TDRKH: variants seen among roughly 807,000 people sequenced by gnomAD.
TDRKH encodes tudor and KH domain-containing protein.
A neutral mutation model predicts 61.3 loss-of-function variants in TDRKH; 28 were observed. That is an observed-to-expected ratio of 0.46 (90% CI 0.34 to 0.63). The LOEUF is 0.63. Ranked by LOEUF, TDRKH falls within the 20% of genes least tolerant of loss-of-function variation. The pLI is 0.01. For synonymous variants in TDRKH, 219 were observed against 244.4 expected (o/e 0.90, Z 0.97); for missense variants, 540 against 683.4 (o/e 0.79, Z 2.34).
Position 151,774,461 on chromosome 1 carries a change from G to A in TDRKH, c.1677C>T (p.Tyr559=), listed in dbSNP as rs1413267086. 2.5e-6 allele frequency: 4 copies of A among 1,614,048 alleles called. No individual in the cohort carries two copies. Among genetic ancestry groups the A allele is most frequent in the African/African-American group, 1.3e-5 (1 of 74,922 alleles). The change falls in exon 13 of 13, where the codon TAC becomes TAT. Residue 559 remains tyrosine, a synonymous_variant. Transcript: ENST00000368824. ...AACTGAAGCCCAGACTTCAGAGTAA[G>A]TAGTCATCTTCAAGGTTATCATCAC... ...MSGDDNLEDD[Y]LL
intron 4 of TDRKH, 63 bp downstream of exon 4, chr1:151,779,888 G>C: frequency 6.7e-7 from 1 of 1,498,816 alleles, no homozygotes; most frequent in Non-Finnish European, 9.0e-7. Flanking sequence ...ACCCTGGGAA[G>C]GTGTGAAAGA....
At chr1:151,777,377 C>T (rs993247097) in intron 6 of TDRKH, among the ~76,000 whole-genome samples, 6 of 151,912 alleles carry the variant, frequency 3.9e-5, no homozygotes, top group Admixed American at 6.6e-5. Flanking sequence ...ACCTGGGAGG[C>T]GGAGGTTGCA....
intron 1 of TDRKH, among the ~76,000 whole-genome samples, chr1:151,789,905 G>A (rs1471570473): frequency 6.6e-6 from 1 of 152,068 alleles, no homozygotes; most frequent in Non-Finnish European, 1.5e-5. Flanking sequence ...TTGAAATAGG[G>A]GTCTCCAGCC....
chr1:151,774,623 G>A, intron 12 of TDRKH, 87 bp downstream of exon 12: 1 of 1,581,770 alleles, frequency 6.3e-7, no homozygotes, highest in South Asian at 1.1e-5. Context: ...TAGGAACCAA[G>A]CCTTCAATTA....
chr1:151,782,699 G>C, intron 2 of TDRKH, 200 bp downstream of exon 2: 1 of 388,362 alleles, frequency 2.6e-6, no homozygotes, highest in Non-Finnish European at 4.2e-6. Flanking sequence ...GAGCCCAGGA[G>C]GTCGACACTA....
At chr1:151,782,119 TATAAA>T (rs1329000236) in intron 2 of TDRKH, 2 of 394,978 alleles carry the variant, frequency 5.1e-6, no homozygotes, top group Non-Finnish European at 4.9e-6. Context: ...TCAATGGAGT[TATAAA>T]ATGAGTTCAT....
At chr1:151,766,744 C>T (rs760837467), downstream of TDRKH, 30 of 1,554,906 alleles carry the variant, frequency 1.9e-5, no homozygotes, top group Non-Finnish European at 2.6e-5. Context: ...AGGTGTCGCC[C>T]CTCTGTCTAC....
Position 151,786,186 on chromosome 1 carries a change from C to T in TDRKH, c.-27-3137G>A, listed in dbSNP as rs534341461. 2.0e-3 allele frequency among the ~76,000 whole-genome samples: 308 copies of T among 152,176 alleles called. 1 individual carries two copies. The highest frequency in any genetic ancestry group is 3.7e-3 in the Non-Finnish European group (251 of 68,000). The stretch of plus-strand genomic sequence containing the variant: ...AGAGAGAAAGGAGAACATCTAGCAC[C>T]GAAATCTCACTGAGGAGCAGATATA... On this transcript the variant is annotated intron_variant, in intron 1 of 12. Coordinates refer to ENST00000368824, the MANE Select transcript of TDRKH (RefSeq NM_001083965.2).
Position 151,780,057 on chromosome 1 carries a change from A to G in TDRKH, c.315T>C (p.Pro105=), listed in dbSNP as rs1649600905. 2 of 1,614,100 alleles carry G rather than the reference A, an allele frequency of 1.2e-6. No individual in the cohort carries two copies. The highest frequency in any genetic ancestry group is 1.7e-5 in the Admixed American group (1 of 60,006). The part of the protein sequence containing the change: ...DERVLLISGF[P]VQVCKAKAAI... The stretch of plus-strand genomic sequence containing the variant: ...CTGCTTTGGCCTTGCACACCTGAAC[A>G]GGAAAACCACTGATAAGCAGCACTC... The change falls in exon 4 of 13, where the codon CCT becomes CCC. Residue 105 remains proline, a synonymous_variant. Transcript: ENST00000368824.
Position 151,778,885 on chromosome 1 carries a change from G to C in TDRKH, c.683C>G (p.Pro228Arg). 4.3e-6 allele frequency: 7 copies of C among 1,614,180 alleles called. No individual in the cohort carries two copies. The highest frequency in any genetic ancestry group is 5.9e-6 in the Non-Finnish European group (7 of 1,180,036). ...ISVRREDMTE[P>R]GGAGEPALWK... Reference sequence around the variant, plus strand: ...TAATGCTGGCTCTCCAGCTCCACCTGGCTCTGTCATGTCTTCTCTTCTCAC... The same window carrying C: ...TAATGCTGGCTCTCCAGCTCCACCTCGCTCTGTCATGTCTTCTCTTCTCAC... The change falls in exon 6 of 13, where the codon CCA (proline) becomes CGA (arginine). Residue 228 changes from proline to arginine, a missense_variant. Around this residue, in one of 3 missense-constraint regions of TDRKH, gnomAD observed 379 missense variants for 443.8 expected, o/e 0.85. Transcript: ENST00000368824.
chr1:151,771,454 A>C, downstream of TDRKH: 1 of 1,048,122 alleles, frequency 9.5e-7, no homozygotes, highest in African/African-American at 1.7e-5. Flanking sequence ...AAAGTACCTA[A>C]GGATTTTTGG....
chr1:151,775,829 C>T lies in TDRKH; in HGVS notation c.1273G>A (p.Ala425Thr). The T allele has an allele frequency of 6.2e-7, 1 of 1,613,296 alleles. No homozygotes were observed. Among genetic ancestry groups the T allele is most frequent in the Non-Finnish European group, 8.5e-7 (1 of 1,179,344 alleles). ...QAIECSLARIAPSGDQWEEEA... is the reference protein window; with the variant it reads ...QAIECSLARITPSGDQWEEEA... ...GGCATGACCAATTTACCTGAGGGAGCAATCCGTGCCAGACTACATTCTATT... is the reference window on the plus strand; with the variant it reads ...GGCATGACCAATTTACCTGAGGGAGTAATCCGTGCCAGACTACATTCTATT... Residue 425 changes from alanine (A) to threonine (T), a missense_variant, in exon 9 of 13, where the codon GCT becomes ACT. Coordinates refer to ENST00000368824, the MANE Select transcript of TDRKH (RefSeq NM_001083965.2).
At chr1:151,770,360 C>G, downstream of TDRKH, 1 of 1,437,944 alleles carries the variant, frequency 7.0e-7, no homozygotes, top group Non-Finnish European at 9.3e-7. Context: ...AATGCACCCT[C>G]AGGCATTTCA....
At chr1:151,784,179 C>A (rs574710882) in intron 1 of TDRKH, among the ~76,000 whole-genome samples, 45 of 152,202 alleles carry the variant, frequency 3.0e-4, no homozygotes, top group Non-Finnish European at 3.8e-4. Flanking sequence ...GCTGTTCTCT[C>A]CTGTGACCAC....
At position 151,778,554 on chromosome 1, in the gene TDRKH, A is replaced by C. The variant is rs1351108946; in HGVS notation, c.883+131T>G. On this transcript the variant is annotated intron_variant, in intron 6 of 12. Coordinates refer to ENST00000368824, the MANE Select transcript of TDRKH (RefSeq NM_001083965.2). ...ATCCCATCTTCAAAATATCTTACCG[A>C]ATCTTCTGTCCTGACCCCAGCCATA... is the stretch of plus-strand genomic sequence containing the variant. 17 of 1,557,566 alleles carry C rather than the reference A, an allele frequency of 1.1e-5. No individual in the cohort carries two copies. In the East Asian group the frequency reaches 3.6e-4, roughly 33 times the overall value.
At chr1:151,767,374 A>G, downstream of TDRKH, 1 of 1,554,072 alleles carries the variant, frequency 6.4e-7, no homozygotes, top group Non-Finnish European at 8.7e-7. Flanking sequence ...GGACATTAGC[A>G]AGTTGGAAGA....
downstream of TDRKH, chr1:151,766,566 TAGATAAG>T: frequency 1.6e-5 from 11 of 704,976 alleles, no homozygotes; most frequent in South Asian, 3.7e-5. Flanking sequence ...GGGATTAGGG[TAGATAAG>T]CAGCAGAGTG....
Position 151,782,999 on chromosome 1 carries a change from C to T in TDRKH, c.24G>A (p.Trp8Ter), listed in dbSNP as rs1350691002. Residue 8 changes from tryptophan (W) to a stop codon, truncating the protein, a stop_gained, in exon 2 of 13, where the codon TGG (tryptophan) becomes TGA (stop). Coordinates refer to ENST00000368824, the MANE Select transcript of TDRKH (RefSeq NM_001083965.2). LOFTEE classifies it high-confidence loss of function. ...TTTTCTGAATGGTGGACAGGCTTGT[C>T]CAAGAAGTCCGTTCAGTAGACATTT... MSTERTSWTSLSTIQKIA... is the reference protein window; with the variant it reads MSTERTS 1 of 1,613,384 alleles carries T rather than the reference C, an allele frequency of 6.2e-7. No individual in the cohort carries two copies. Among genetic ancestry groups the T allele is most frequent in the South Asian group, 1.1e-5 (1 of 90,948 alleles).
intron 1 of TDRKH, among the ~76,000 whole-genome samples, chr1:151,789,024 A>C (rs1650626945): frequency 6.6e-6 from 1 of 152,178 alleles, no homozygotes; most frequent in African/African-American, 2.4e-5. Flanking sequence ...TCAATGATGG[A>C]GATGGAGAAC....
Sources: gnomAD v4.1 joint callset for allele counts (sites outside exome capture counted in the v4.1 genomes callset) on GRCh38, gnomAD v4.1.1 for gene constraint, gnomAD v4.1.1 regional missense constraint, MANE v1.5 for transcripts, NCBI Gene and HGNC (gene_info 2026-07-23, HGNC 2026-07-21) for gene names.